The following CORO1B variants were observed in gnomAD, a reference collection of about 807,000 sequenced individuals.
CORO1B encodes the protein coronin 1B.
CORO1B carries 30 observed loss-of-function variants against 51.1 expected under a neutral mutation model. That is an observed-to-expected ratio of 0.59 (90% CI 0.44 to 0.80). The LOEUF is 0.80. Among genes scored for constraint, CORO1B ranks in the 30% least tolerant of loss-of-function variants. The pLI is 0.00. For missense variants in CORO1B, 648 were observed against 700.4 expected (o/e 0.93, Z 0.84); for synonymous variants, 310 against 289.7 (o/e 1.07, Z -0.71).
upstream of CORO1B, chr11:67,443,523 G>T: frequency 2.2e-6 from 2 of 895,148 alleles, no homozygotes; most frequent in Non-Finnish European, 2.7e-6. Flanking sequence ...CGGGGGCGGG[G>T]CAGGGGCTCG....
In CORO1B at chr11:67,438,652, C is replaced by T. The variant is rs1269697019; in HGVS notation, c.1344+19G>A. ...CACACCTGGGGCTCCCAGCACCACC[C>T]CTGCCTGCGCGTGCATACCCCGGCT... On this transcript the variant is annotated intron_variant, in intron 10 of 10. Coordinates refer to ENST00000341356, the MANE Select transcript of CORO1B (RefSeq NM_020441.3). 2.0e-6 allele frequency: 3 copies of T among 1,521,924 alleles called. No homozygotes were observed. The highest frequency in any genetic ancestry group is 2.0e-5 in the Admixed American group (1 of 50,636). The allele number at this position is 1,521,924 out of a possible 1,614,324, so 94.3% of individuals were successfully genotyped here.
upstream of CORO1B, chr11:67,443,788 A>T: frequency 1.0e-6 from 1 of 985,314 alleles, no homozygotes; most frequent in Non-Finnish European, 1.2e-6. Flanking sequence ...CTTGCTCCTC[A>T]TAATGGCATC....
chr11:67,437,472 G>T lies in CORO1B; in HGVS notation c.*904C>A. On this transcript the variant is annotated 3_prime_UTR_variant, in exon 11 of 11. Transcript: ENST00000341356. ...GGGAGCCCAGCTCAGGTGAGAGAAA[G>T]GTTCAGCCTCTGCCATACTCCTCTT... 2.0e-6 allele frequency: 2 copies of T among 997,804 alleles called. No homozygotes were observed. The highest frequency in any genetic ancestry group is 2.7e-6 in the Non-Finnish European group (2 of 740,118). 61.8% of individuals were successfully genotyped at this position (997,804 alleles called of 1,614,324 possible). A position where few individuals can be genotyped will look rare whatever the true frequency, so the allele number is the denominator to read the frequency against.
Position 67,442,547 on chromosome 11 carries a change from C to G in CORO1B, c.82G>C (p.Asp28His), listed in dbSNP as rs1864420046. ...CAGGTAACACGGGACACGCGAATGT[C>G]CTCATAGCACTGGTCGTTCTTGACC... The part of the protein sequence containing the change: ...QPVKNDQCYE[D>H]IRVSRVTWDS... The change falls in exon 2 of 11, where the codon GAC (aspartate) becomes CAC (histidine). Residue 28 changes from aspartate to histidine, a missense_variant. Asp to His is a moderately conservative substitution (Grantham distance 81). Coordinates refer to ENST00000341356, the MANE Select transcript of CORO1B (RefSeq NM_020441.3). 6.2e-7 allele frequency: 1 copy of G among 1,613,828 alleles called. No individual in the cohort carries two copies. Among genetic ancestry groups the G allele is most frequent in the Non-Finnish European group, 8.5e-7 (1 of 1,180,028 alleles).
At position 67,441,999 on chromosome 11, in the gene CORO1B, GA is replaced by G; in HGVS notation, c.290del (p.Val97AlafsTer2). The G allele has an allele frequency of 6.2e-7, 1 of 1,613,284 alleles. No individual in the cohort carries two copies. The highest frequency in any genetic ancestry group is 8.5e-7 in the Non-Finnish European group (1 of 1,180,024). On this transcript the variant is annotated frameshift_variant, in exon 3 of 11. Transcript: ENST00000341356. LOFTEE classifies it high-confidence loss of function. ...TGCAGTCCTCCGAGCCGCTGGCTAT[GA>G]CTTCGTCGTTGTGAGGACACCAGTC... is the stretch of plus-strand genomic sequence containing the variant. ...DIDWCPHNDE[V>X]IASGSEDCTV...
In CORO1B at chr11:67,436,473, G is replaced by T; in HGVS notation, c.*1903C>A. 1 of 1,159,882 alleles carries T rather than the reference G, an allele frequency of 8.6e-7. No individual in the cohort carries two copies. Among genetic ancestry groups the T allele is most frequent in the Non-Finnish European group, 1.2e-6 (1 of 862,944 alleles). 71.8% of individuals were successfully genotyped at this position (1,159,882 alleles called of 1,614,324 possible). A position where few individuals can be genotyped will look rare whatever the true frequency, so the allele number is the denominator to read the frequency against. On this transcript the variant is annotated 3_prime_UTR_variant, in exon 11 of 11. Transcript: ENST00000341356. Reference sequence around the variant, plus strand: ...TTTGGGATCCTCTTGGGACAGCCAAGCAGAAAAGGCCAAGGCCTTATTTGG... The same window carrying T: ...TTTGGGATCCTCTTGGGACAGCCAATCAGAAAAGGCCAAGGCCTTATTTGG...
At chr11:67,443,484 G>T, upstream of CORO1B, 3 of 985,540 alleles carry the variant, frequency 3.0e-6, no homozygotes, top group Non-Finnish European at 3.6e-6. Flanking sequence ...CAGGAAGCAG[G>T]ATTCAGGAAG....
At position 67,442,482 on chromosome 11, in the gene CORO1B, C is replaced by T. The variant is rs561335766; in HGVS notation, c.147G>A (p.Ala49=). 2.1e-4 allele frequency: 335 copies of T among 1,613,558 alleles called. No individual in the cohort carries two copies. In the South Asian group the frequency reaches 2.8e-3, roughly 13 times the overall value. Residue 49 remains alanine, a synonymous_variant, in exon 2 of 11, where the codon GCG becomes GCA. Transcript: ENST00000341356. ...TFCAVNPKFL[A]VIVEASGGGA... ...CCCCTCCACTGGCCTCCACAATCAC[C>T]GCCAGGAACTTGGGGTTGACGGCGC...
chr11:67,440,135 G>C lies in CORO1B; in HGVS notation c.990C>G (p.Ser330Arg). The C allele has an allele frequency of 6.2e-7, 1 of 1,612,468 alleles. No homozygotes were observed. The highest frequency in any genetic ancestry group is 8.5e-7 in the Non-Finnish European group (1 of 1,179,364). Residue 330 changes from serine to arginine, a missense_variant, in exon 8 of 11, where the codon AGC (serine) becomes AGG (arginine). Ser to Arg is a moderately radical substitution (Grantham distance 110). Coordinates refer to ENST00000341356, the MANE Select transcript of CORO1B (RefSeq NM_020441.3). ...CCTCTTACCGGGCGATCTCGCACTT[G>C]CTGACCTCCAGGCCCCGCTTGGGCA... The part of the protein sequence containing the change: ...GSMPKRGLEV[S>R]KCEIARFYKL...
Position 67,441,250 on chromosome 11 carries a change from G to A in CORO1B, c.637-6C>T, listed in dbSNP as rs752918426. ...TCATGAGCCTTCTCCCGCTCCTGTC[G>A]GGGGGACAGGCTGGTCAGTGCAGCG... is the stretch of plus-strand genomic sequence containing the variant. On this transcript the variant is annotated splice_polypyrimidine_tract_variant and splice_region_variant and intron_variant, in intron 5 of 10. Coordinates refer to ENST00000341356, the MANE Select transcript of CORO1B (RefSeq NM_020441.3). 1.5e-5 allele frequency: 24 copies of A among 1,612,846 alleles called. No individual in the cohort carries two copies. The highest frequency in any genetic ancestry group is 9.3e-5 in the African/African-American group (7 of 74,906).
At chr11:67,443,027 G>A (rs960300343) in intron 1 of CORO1B, among the ~76,000 whole-genome samples, 1 of 152,172 alleles carries the variant, frequency 6.6e-6, no homozygotes, top group African/African-American at 2.4e-5. Context: ...TAGGTAATGG[G>A]GAAGAAGGAG....
In CORO1B at chr11:67,440,166, C is replaced by T. The variant is rs1477260681; in HGVS notation, c.959G>A (p.Gly320Asp). The change falls in exon 8 of 11, where the codon GGC (glycine) becomes GAC (aspartate). Residue 320 changes from glycine to aspartate, a missense_variant. Physicochemically the swap from Gly to Asp is moderately conservative, Grantham distance 94. Coordinates refer to ENST00000341356, the MANE Select transcript of CORO1B (RefSeq NM_020441.3). ...CTCCAGGCCCCGCTTGGGCATGCTG[C>T]CCATACCCCGCTGCGGCTCCTTGCT... ...FTSKEPQRGM[G>D]SMPKRGLEVS... 6.2e-7 allele frequency: 1 copy of T among 1,613,774 alleles called. No homozygotes were observed. Among genetic ancestry groups the T allele is most frequent in the Non-Finnish European group, 8.5e-7 (1 of 1,180,006 alleles).
rs747138678 is a variant in CORO1B, at chr11:67,438,120, C to T, written c.*256G>A. 7.0e-6 allele frequency: 3 copies of T among 430,620 alleles called. No individual in the cohort carries two copies. The highest frequency in any genetic ancestry group is 1.2e-5 in the Non-Finnish European group (3 of 244,222). 26.7% of individuals were successfully genotyped at this position (430,620 alleles called of 1,614,324 possible). ...CCTCCCGCCTCCTCTGGGGAGGGAG[C>T]AGAGGGCTGGGCAGTGGTCGGGGAG... is the stretch of plus-strand genomic sequence containing the variant. On this transcript the variant is annotated 3_prime_UTR_variant, in exon 11 of 11. Coordinates refer to ENST00000341356, the MANE Select transcript of CORO1B (RefSeq NM_020441.3).
intron 2 of CORO1B, 134 bp downstream of exon 2, chr11:67,442,294 G>T: frequency 4.9e-6 from 6 of 1,232,152 alleles, no homozygotes; most frequent in Non-Finnish European, 6.8e-6. Flanking sequence ...GCTAACACTT[G>T]GGGCGATAAA....
chr11:67,439,993 G>A (rs988273259), intron 8 of CORO1B, 125 bp downstream of exon 8: 37 of 1,480,042 alleles, frequency 2.5e-5, no homozygotes, highest in Admixed American at 7.7e-5. Context: ...GGGCTGCCTC[G>A]TGACAGTTCT....
At chr11:67,438,575 C>T in intron 10 of CORO1B, 74 bp from the exon 11 acceptor site, 3 of 1,556,308 alleles carry the variant, frequency 1.9e-6, no homozygotes, top group Non-Finnish European at 2.6e-6. Flanking sequence ...AAACCCACCA[C>T]TACCCCAGAG....
Position 67,438,778 on chromosome 11 carries a change from AC to A in CORO1B, c.1236del (p.Leu412PhefsTer15), listed in dbSNP as rs762880383. The A allele has an allele frequency of 1.8e-4, 294 of 1,591,296 alleles. No individual in the cohort carries two copies. The highest frequency in any genetic ancestry group is 2.4e-4 in the Non-Finnish European group (281 of 1,171,782). On this transcript the variant is annotated frameshift_variant, in exon 10 of 11. Transcript: ENST00000341356. LOFTEE classifies it high-confidence loss of function. ...RDLKISRRNV[L>X]SDSRPAMAPG... ...GGGGCCATGGCGGGCCGGCTGTCAG[AC>A]AACACGTTGCGCCGGCTGATCTTCA...
rs763824097 is a variant in CORO1B, at chr11:67,438,905, G to A, written c.1110C>T (p.Pro370=). ...ACTCCTCAGCCTCCAGGGCTGCCTC[G>A]GGCCCGGCTGTGTCGGGGTACAGAT... is the stretch of plus-strand genomic sequence containing the variant. ...QDDLYPDTAG[P]EAALEAEEWV... is the part of the protein sequence containing the mutation. Residue 370 remains proline, a synonymous_variant, in exon 10 of 11, where the codon CCC becomes CCT. Transcript: ENST00000341356. 10 of 1,609,248 alleles carry A rather than the reference G, an allele frequency of 6.2e-6. No individual in the cohort carries two copies. The highest frequency in any genetic ancestry group is 2.2e-5 in the East Asian group (1 of 44,772).
In CORO1B at chr11:67,438,293, C is replaced by T. The variant is rs1864326804; in HGVS notation, c.*83G>A. The T allele has an allele frequency of 5.3e-6, 8 of 1,523,754 alleles. No individual in the cohort carries two copies. Among genetic ancestry groups the T allele is most frequent in the South Asian group, 1.2e-5 (1 of 81,202 alleles). 94.4% of individuals were successfully genotyped at this position (1,523,754 alleles called of 1,614,324 possible). On this transcript the variant is annotated 3_prime_UTR_variant, in exon 11 of 11. Transcript: ENST00000341356. ...CGCTGCCTCAGAGGCTCTGGGCAGC[C>T]AGCTAGCCCGGTGCGACCCGCTGGC...
Sources: gnomAD v4.1 joint callset for allele counts (sites outside exome capture counted in the v4.1 genomes callset) on GRCh38, gnomAD v4.1.1 for gene constraint, MANE v1.5 for transcripts, NCBI Gene and HGNC (gene_info 2026-07-23, HGNC 2026-07-21) for gene names.